NSD2: variants seen among roughly 807,000 people sequenced by gnomAD.
The protein encoded by NSD2 is nuclear receptor binding SET domain protein 2.
In NSD2, 12 loss-of-function variants were observed where a neutral mutation model predicts 139.0. The ratio of observed to expected loss-of-function variants is 0.09; its 90% CI spans 0.06 to 0.14. The LOEUF (loss-of-function observed/expected upper bound fraction) is 0.14. Ranked by LOEUF, NSD2 falls within the 10% of genes least tolerant of loss-of-function variation. The pLI is 1.00. For missense variants in NSD2, 1,155 were observed against 1,745.0 expected, an observed-to-expected ratio of 0.66 and a Z score of 6.02; for synonymous variants, 669 against 648.7, an observed-to-expected ratio of 1.03 and a Z score of -0.48.
At chr4:1,962,988 C>T (rs1277884890) in intron 18 of NSD2, among the ~76,000 whole-genome samples, 6 of 152,170 alleles carry the variant, frequency 3.9e-5, no homozygotes, top group Non-Finnish European at 7.3e-5. Flanking sequence ...CACAGGTCTT[C>T]TCTAGGAGGT....
At chr4:1,902,431 C>G (rs1490941736) in intron 2 of NSD2, among the ~76,000 whole-genome samples, 1 of 151,850 alleles carries the variant, frequency 6.6e-6, no homozygotes, top group Non-Finnish European at 1.5e-5. Context: ...GCTGTGTTGC[C>G]CAGGCTGGTC....
At chr4:1,885,765 G>A (rs1033620283) in intron 1 of NSD2, among the ~76,000 whole-genome samples, 16 of 152,104 alleles carry the variant, frequency 1.1e-4, no homozygotes, top group Admixed American at 8.5e-4. Flanking sequence ...TCTCTGCACC[G>A]GTTCTGCAGA....
rs766823101 is a variant in NSD2 at position 1,976,446 on chromosome 4, G to T, written c.3622-29G>T. ...TGCTTCAGCCTGTGTAATTCTTTCCGGTGATCTGTGCTTAATTCTTGACTC... is the reference window on the plus strand; with the variant it reads ...TGCTTCAGCCTGTGTAATTCTTTCCTGTGATCTGTGCTTAATTCTTGACTC... On this transcript the variant is annotated intron_variant, in intron 20 of 21. Transcript: ENST00000508803. The surrounding 1 kb of genome is among the most constrained non-coding windows in gnomAD (Gnocchi z 5.3). The T allele has an allele frequency of 6.2e-7, 1 of 1,604,844 alleles. No individual in the cohort carries two copies. The highest frequency in any genetic ancestry group is 8.5e-7 in the Non-Finnish European group (1 of 1,175,650).
At chr4:1,917,514 C>T (rs1191243967) in intron 4 of NSD2, among the ~76,000 whole-genome samples, 2 of 152,140 alleles carry the variant, frequency 1.3e-5, no homozygotes, top group Non-Finnish European at 1.5e-5. Context: ...TGGCTCATTG[C>T]ATCCTCTGCC....
At chr4:1,891,102 C>G (rs1715500977) in intron 1 of NSD2, among the ~76,000 whole-genome samples, 1 of 152,252 alleles carries the variant, frequency 6.6e-6, no homozygotes, top group African/African-American at 2.4e-5. Flanking sequence ...CCATGTTGTC[C>G]AGGCTGATGT....
intron 9 of NSD2, chr4:1,945,153 T>G: frequency 9.4e-7 from 1 of 1,066,934 alleles, no homozygotes. Flanking sequence ...GATTTTGTGT[T>G]TTTTGTTTAA....
At chr4:1,970,733 G>A (rs1005158724) in intron 18 of NSD2, among the ~76,000 whole-genome samples, 16 of 152,146 alleles carry the variant, frequency 1.1e-4, no homozygotes, top group African/African-American at 3.4e-4. Context: ...TTGAGGGAGG[G>A]GGTCCAGGCT....
chr4:1,913,800 T>C (rs985208655), intron 3 of NSD2, among the ~76,000 whole-genome samples: 3 of 152,164 alleles, frequency 2.0e-5, no homozygotes, highest in African/African-American at 7.2e-5. Flanking sequence ...GTGTCCCCTG[T>C]GCCCAGCTGT....
chr4:1,967,225 G>GA (rs1295273911), intron 18 of NSD2, among the ~76,000 whole-genome samples: 4 of 152,060 alleles, frequency 2.6e-5, no homozygotes, highest in African/African-American at 9.7e-5. Flanking sequence ...ACTAAATCAT[G>GA]AAAAAAATGG....
At chr4:1,926,365 G>A (rs1720915410) in intron 5 of NSD2, among the ~76,000 whole-genome samples, 1 of 151,504 alleles carries the variant, frequency 6.6e-6, no homozygotes, top group African/African-American at 2.4e-5. Flanking sequence ...ATGTTGGCCA[G>A]GCTGGTCTCA....
intron 18 of NSD2, among the ~76,000 whole-genome samples, chr4:1,970,306 G>GACA (rs1461489670): frequency 6.6e-6 from 1 of 152,264 alleles, no homozygotes; most frequent in Non-Finnish European, 1.5e-5. Context: ...CAGTGCTCGG[G>GACA]ACAGGGTGGG....
chr4:1,928,721 G>C (rs1307697458), intron 5 of NSD2, among the ~76,000 whole-genome samples: 1 of 152,160 alleles, frequency 6.6e-6, no homozygotes, highest in Non-Finnish European at 1.5e-5. Flanking sequence ...TGGAGTCATG[G>C]TGGGTGATGG....
At chr4:1,898,828 AT>A (rs1157129177) in intron 1 of NSD2, among the ~76,000 whole-genome samples, 2 of 151,354 alleles carry the variant, frequency 1.3e-5, no homozygotes, top group Non-Finnish European at 2.9e-5. Flanking sequence ...TCTCCTTGAG[AT>A]TTCCCCCCTC....
At chr4:1,949,535 G>T (rs1228322363) in intron 9 of NSD2, among the ~76,000 whole-genome samples, 1 of 152,104 alleles carries the variant, frequency 6.6e-6, no homozygotes, top group Non-Finnish European at 1.5e-5. Flanking sequence ...GGCCAAGGCG[G>T]GTGGATCACG....
intron 6 of NSD2, 100 bp downstream of exon 6, chr4:1,930,870 T>C (rs1721550992): frequency 1.4e-6 from 2 of 1,433,334 alleles, no homozygotes; most frequent in African/African-American, 2.8e-5. Context: ...GTGTCCACTC[T>C]CCCTGTTTCT....
intron 3 of NSD2, among the ~76,000 whole-genome samples, chr4:1,915,467 C>T (rs974159334): frequency 5.3e-5 from 8 of 152,148 alleles, no homozygotes; most frequent in African/African-American, 1.7e-4. Flanking sequence ...CTTTGTTTTT[C>T]TGTGTTCTCT....
rs571652928 is a variant in NSD2 at position 1,878,936 on chromosome 4, A to G, written c.-30+7394A>G. Among the ~76,000 whole-genome samples the G allele has an allele frequency of 1.1e-4, 17 of 152,286 alleles. No homozygotes were observed. In the East Asian group the frequency reaches 2.1e-3, roughly 19 times the overall value. On this transcript the variant is annotated intron_variant, in intron 1 of 21. Transcript: ENST00000508803. ...GGTGCAGGAGAGGGTCCTTGGTCCA[A>G]TCCTTACAGATGGAAAGATTGGGTA...
At chr4:1,884,520 A>G (rs1172780283) in intron 1 of NSD2, among the ~76,000 whole-genome samples, 1 of 151,992 alleles carries the variant, frequency 6.6e-6, no homozygotes, top group Non-Finnish European at 1.5e-5. Context: ...CAGCCTCCCG[A>G]GTAGCTGGGA....
Position 1,978,826 on chromosome 4 carries a change from G to A in NSD2, c.4015G>A (p.Glu1339Lys), listed in dbSNP as rs749348112. Residue 1339 changes from glutamate (E) to lysine (K), a missense_variant, in exon 22 of 22, where the codon GAG (glutamate) becomes AAG (lysine). Around this residue, in one of 8 missense-constraint regions of NSD2, gnomAD observed 132 missense variants for 94.3 expected, o/e 1.40. Coordinates refer to ENST00000508803, the MANE Select transcript of NSD2 (RefSeq NM_001042424.3). Reference sequence around the variant, plus strand: ...GGCATCGGTCAGAAGCACCAAGACTGAGAAGCCCCCCCCAGAGCCAGGGAA... The same window carrying A: ...GGCATCGGTCAGAAGCACCAAGACTAAGAAGCCCCCCCCAGAGCCAGGGAA... ...GAASVRSTKT[E>K]KPPPEPGKPK... 5.6e-6 allele frequency: 9 copies of A among 1,606,898 alleles called. No individual in the cohort carries two copies. The African/African-American group carries it at 1.2e-4, about 21-fold the overall frequency.
Sources: allele counts gnomAD v4.1 joint callset (sites outside exome capture counted in the v4.1 genomes callset), GRCh38; gene constraint gnomAD v4.1.1; regional missense constraint gnomAD v4.1.1; non-coding constraint Gnocchi (gnomAD v3.1); transcripts MANE v1.5; gene names NCBI Gene and HGNC (gene_info 2026-07-23, HGNC 2026-07-21).